The following UBQLN1 variants were observed in gnomAD, a reference collection of about 807,000 sequenced individuals.
UBQLN1 encodes the protein ubiquilin 1, also known as ubiquilin-1.
A neutral mutation model predicts 65.4 loss-of-function variants in UBQLN1; 13 were observed. That is an observed-to-expected ratio of 0.20 (90% CI 0.13 to 0.32). UBQLN1 has a LOEUF of 0.32. Ranked by LOEUF, UBQLN1 falls within the 10% of genes least tolerant of loss-of-function variation. The probability of loss-of-function intolerance (pLI) is 1.00; values close to 1 mark genes in which losing one functional copy is unlikely to be tolerated. For synonymous variants in UBQLN1, 267 were observed against 247.8 expected, an observed-to-expected ratio of 1.08 and a Z score of -0.73; for missense variants, 561 against 724.0, an observed-to-expected ratio of 0.77 and a Z score of 2.58.
intron 1 of UBQLN1, among the ~76,000 whole-genome samples, chr9:83,705,066 C>T (rs989950178): frequency 2.0e-5 from 3 of 151,900 alleles, no homozygotes; most frequent in African/African-American, 2.4e-5. Context: ...AAAAGAGATC[C>T]GAGAGCTTTA....
chr9:83,680,814 C>T (rs972160102), intron 3 of UBQLN1, among the ~76,000 whole-genome samples: 1 of 152,170 alleles, frequency 6.6e-6, no homozygotes, highest in Non-Finnish European at 1.5e-5. Flanking sequence ...CAACTTAGAG[C>T]TGGTCAGTCA....
chr9:83,685,496 A>C (rs1354215181), intron 2 of UBQLN1, among the ~76,000 whole-genome samples: 3 of 152,126 alleles, frequency 2.0e-5, no homozygotes, highest in Admixed American at 2.0e-4. Flanking sequence ...TGATACACAA[A>C]GGTATCTCTT....
In UBQLN1 at chr9:83,707,587, G is replaced by A. The variant is rs201847758; in HGVS notation, c.93C>T (p.Ser31=). ...EGAGAPAAAA[S]AEPKIMKVTV... is the part of the protein sequence containing the mutation. ...TGACTTTCATGATTTTGGGCTCCGC[G>A]GAGGCAGCGGCCGCGGGGGCGCCAG... Residue 31 remains serine (S), a synonymous_variant, in exon 1 of 11, where the codon TCC becomes TCT. Transcript: ENST00000376395. The A allele has an allele frequency of 3.1e-6, 5 of 1,605,848 alleles. 1 individual carries two copies. In the South Asian group the frequency reaches 4.4e-5, roughly 14 times the overall value.
Position 83,679,760 on chromosome 9 carries a change from G to A in UBQLN1, c.711+15C>T. 6.2e-7 allele frequency: 1 copy of A among 1,610,050 alleles called. No homozygotes were observed. The highest frequency in any genetic ancestry group is 1.7e-4 in the Middle Eastern group (1 of 6,030). Reference sequence around the variant, plus strand: ...CATTTTTTAGCTAAACGAACTGAAAGAACTTTCCACATACTTGTCTCATTA... The same window carrying A: ...CATTTTTTAGCTAAACGAACTGAAAAAACTTTCCACATACTTGTCTCATTA... On this transcript the variant is annotated intron_variant, in intron 4 of 10. Transcript: ENST00000376395.
At chr9:83,683,272 CGT>C (rs777462205) in intron 2 of UBQLN1, among the ~76,000 whole-genome samples, 2 of 152,070 alleles carry the variant, frequency 1.3e-5, no homozygotes, top group African/African-American at 4.8e-5. Flanking sequence ...ATTAGCCGGG[CGT>C]GATGGCGAGT....
At chr9:83,681,930 G>C (rs1468540257) in intron 3 of UBQLN1, among the ~76,000 whole-genome samples, 4 of 152,178 alleles carry the variant, frequency 2.6e-5, no homozygotes, top group African/African-American at 9.7e-5. Flanking sequence ...GGACTATATG[G>C]ATGGGCACCT....
At chr9:83,691,817 C>G (rs1832133651) in intron 1 of UBQLN1, among the ~76,000 whole-genome samples, 1 of 152,168 alleles carries the variant, frequency 6.6e-6, no homozygotes, top group Non-Finnish European at 1.5e-5. Context: ...GTATCTTAGT[C>G]TTGAAGTATG....
chr9:83,682,379 G>C (rs1183430898), intron 3 of UBQLN1, among the ~76,000 whole-genome samples: 3 of 151,844 alleles, frequency 2.0e-5, no homozygotes, highest in African/African-American at 7.3e-5. Context: ...AGCATTTTGG[G>C]ACACCAGCAG....
At chr9:83,666,268 A>G (rs1402128652) in intron 8 of UBQLN1, 82 bp downstream of exon 8, 1 of 1,362,026 alleles carries the variant, frequency 7.3e-7, no homozygotes, top group Admixed American at 1.7e-5. Flanking sequence ...TATCAGCCAG[A>G]GAAGAGCAAG....
chr9:83,684,351 T>C (rs1400086544), intron 2 of UBQLN1, among the ~76,000 whole-genome samples: 1 of 151,772 alleles, frequency 6.6e-6, no homozygotes, highest in African/African-American at 2.4e-5. Context: ...CACACCACTG[T>C]GCTGGGCAAT....
chr9:83,677,595 A>G, intron 6 of UBQLN1, 132 bp downstream of exon 6: 14 of 650,474 alleles, frequency 2.2e-5, no homozygotes, highest in Non-Finnish European at 3.4e-5. Flanking sequence ...CAAAAGCAAC[A>G]TGAAAAATAT....
chr9:83,666,154 T>C (rs1831640101), intron 8 of UBQLN1, among the ~76,000 whole-genome samples, 196 bp downstream of exon 8: 1 of 152,208 alleles, frequency 6.6e-6, no homozygotes, highest in Admixed American at 6.5e-5. Context: ...AATGTATGTT[T>C]AAGAAACATA....
At chr9:83,683,691 T>C (rs866469101) in intron 2 of UBQLN1, among the ~76,000 whole-genome samples, 11 of 152,264 alleles carry the variant, frequency 7.2e-5, no homozygotes, top group Middle Eastern at 6.8e-3. Flanking sequence ...GGGAAGCCAA[T>C]GACCAGTTAC....
At chr9:83,697,962 C>A (rs900828310) in intron 1 of UBQLN1, among the ~76,000 whole-genome samples, 5 of 152,094 alleles carry the variant, frequency 3.3e-5, no homozygotes, top group Non-Finnish European at 7.4e-5. Flanking sequence ...TCTCAAACTC[C>A]TGACCTCATG....
rs1222019002 is a variant in UBQLN1 at position 83,661,796 on chromosome 9, C to T, written c.1761G>A (p.Gln587=). ...AGATACAGAAATGCTGCTATGATGGCTGGGAGCCCAGTAACCTTTCAATAG... is the reference window on the plus strand; with the variant it reads ...AGATACAGAAATGCTGCTATGATGGTTGGGAGCCCAGTAACCTTTCAATAG... The part of the protein sequence containing the change: ...NAAIERLLGS[Q]PS The change falls in exon 11 of 11, where the codon CAG becomes CAA. Residue 587 remains glutamine, a synonymous_variant. Coordinates refer to ENST00000376395, the MANE Select transcript of UBQLN1 (RefSeq NM_013438.5). The T allele has an allele frequency of 6.2e-7, 1 of 1,605,984 alleles. No individual in the cohort carries two copies. Among genetic ancestry groups the T allele is most frequent in the African/African-American group, 1.3e-5 (1 of 74,654 alleles).
chr9:83,673,688 A>G (rs575944236), intron 6 of UBQLN1, among the ~76,000 whole-genome samples: 1 of 152,198 alleles, frequency 6.6e-6, no homozygotes, highest in African/African-American at 2.4e-5. Flanking sequence ...GCCCATGAAT[A>G]CCATTTTATT....
In UBQLN1 at chr9:83,663,975, G is replaced by A; in HGVS notation, c.1517C>T (p.Thr506Ile). ...TGTGGGACTTGTGTTTTCACTAGGT[G>A]TGGCGTTAGATCCATTAGTTCCCGA... ...GSSGTNGSNA[T>I]PSENTSPTAG... Residue 506 changes from threonine to isoleucine, a missense_variant, in exon 10 of 11, where the codon ACA becomes ATA. Around this residue, in one of 8 missense-constraint regions of UBQLN1, gnomAD observed 68 missense variants for 62.2 expected, o/e 1.09. Transcript: ENST00000376395. 1.9e-6 allele frequency: 3 copies of A among 1,614,176 alleles called. No homozygotes were observed. The highest frequency in any genetic ancestry group is 2.5e-6 in the Non-Finnish European group (3 of 1,180,006).
At position 83,707,576 on chromosome 9, in the gene UBQLN1, T is replaced by C. The variant is rs753200142; in HGVS notation, c.104A>G (p.Lys35Arg). 5.0e-6 allele frequency: 8 copies of C among 1,608,724 alleles called. No homozygotes were observed. In the East Asian group the frequency reaches 6.8e-5, roughly 14 times the overall value. The change falls in exon 1 of 11, where the codon AAA becomes AGA. Residue 35 changes from lysine to arginine, a missense_variant. Transcript: ENST00000376395. Reference sequence around the variant, plus strand: ...GGTCTTCACGGTGACTTTCATGATTTTGGGCTCCGCGGAGGCAGCGGCCGC... The same window carrying C: ...GGTCTTCACGGTGACTTTCATGATTCTGGGCTCCGCGGAGGCAGCGGCCGC... ...APAAAASAEP[K>R]IMKVTVKTPK...
At chr9:83,669,128 G>A (rs1241954364) in intron 7 of UBQLN1, 57 bp downstream of exon 7, 1 of 1,560,338 alleles carries the variant, frequency 6.4e-7, no homozygotes, top group Admixed American at 2.3e-5. Flanking sequence ...ACAATTACAA[G>A]ATTAGGTTAT....
Sources: allele counts gnomAD v4.1 joint callset (sites outside exome capture counted in the v4.1 genomes callset), GRCh38; gene constraint gnomAD v4.1.1; regional missense constraint gnomAD v4.1.1; transcripts MANE v1.5; gene names NCBI Gene and HGNC (gene_info 2026-07-23, HGNC 2026-07-21).